The following CLEC4F variants were observed in gnomAD, a reference collection of about 807,000 sequenced individuals.
CLEC4F encodes C-type (calcium dependent, carbohydrate-recognition domain) lectin, superfamily member 13.
A neutral mutation model predicts 53.4 loss-of-function variants in CLEC4F; 45 were observed. The ratio of observed to expected loss-of-function variants is 0.84; its 90% CI spans 0.66 to 1.08. The LOEUF is 1.08. Among genes scored for constraint, CLEC4F ranks in the 50% least tolerant of loss-of-function variants. The pLI is 0.00. For synonymous variants in CLEC4F, 245 were observed against 257.5 expected, an observed-to-expected ratio of 0.95 and a Z score of 0.46; for missense variants, 753 against 698.2, an observed-to-expected ratio of 1.08 and a Z score of -0.88.
intron 5 of CLEC4F, among the ~76,000 whole-genome samples, chr2:70,810,225 C>A (rs1351031503): frequency 6.6e-6 from 1 of 150,714 alleles, no homozygotes; most frequent in Non-Finnish European, 1.5e-5. Context: ...ACTGTAAATT[C>A]TTTCATTAAC....
intron 4 of CLEC4F, among the ~76,000 whole-genome samples, chr2:70,814,966 G>GCT (rs1553395421): frequency 1.3e-5 from 2 of 152,242 alleles, no homozygotes; most frequent in African/African-American, 4.8e-5. Flanking sequence ...AGCAGTGAGA[G>GCT]CTGGGAGGAA....
At chr2:70,821,476 G>A (rs905906751), upstream of CLEC4F, among the ~76,000 whole-genome samples, 12 of 133,482 alleles carry the variant, frequency 9.0e-5, no homozygotes, top group African/African-American at 2.0e-4. Context: ...GGGCTATAAC[G>A]ACTCTTAAAA....
chr2:70,816,894 T>C lies in CLEC4F; in HGVS notation c.487A>G (p.Ser163Gly). Residue 163 changes from serine (S) to glycine (G), a missense_variant, in exon 4 of 7, where the codon AGT (serine) becomes GGT (glycine). Ser to Gly is a moderately conservative substitution (Grantham distance 56). Coordinates refer to ENST00000272367, the MANE Select transcript of CLEC4F (RefSeq NM_173535.3). ...KGVLKDATTL[S>G]LQTQMLRSSL... ...CTCCTTAACATCTGTGTCTGCAAAC[T>C]CAATGTAGTGGCATCCTTTAGAACT... 1.2e-6 allele frequency: 2 copies of C among 1,614,214 alleles called. No homozygotes were observed. Among genetic ancestry groups the C allele is most frequent in the Non-Finnish European group, 1.7e-6 (2 of 1,180,036 alleles).
At chr2:70,819,922 G>A (rs1558621377) in intron 1 of CLEC4F, 31 bp from the exon 2 acceptor site, 1 of 1,467,376 alleles carries the variant, frequency 6.8e-7, no homozygotes, top group Non-Finnish European at 9.3e-7. Flanking sequence ...TCCAAGGTGA[G>A]AGGGTGCTGT....
At position 70,809,082 on chromosome 2, in the gene CLEC4F, G is replaced by A. The variant is rs1261077039; in HGVS notation, c.*189C>T. On this transcript the variant is annotated 3_prime_UTR_variant, in exon 7 of 7. Transcript: ENST00000272367. ...CAGACTGATTCTTTTCCCAAAACCC[G>A]AAGACAACAGGGCTTTATACTGTTA... 3.7e-5 allele frequency: 57 copies of A among 1,546,932 alleles called. No homozygotes were observed. The highest frequency in any genetic ancestry group is 4.9e-5 in the Non-Finnish European group (56 of 1,146,920).
chr2:70,808,902 G>A lies in CLEC4F; in HGVS notation c.*369C>T, dbSNP rs1197313441. On this transcript the variant is annotated 3_prime_UTR_variant, in exon 7 of 7. Transcript: ENST00000272367. Reference sequence around the variant, plus strand: ...GAGGAGGGTCAGTATTGGCAAGCAGGAGCAGCCCCTCAGCTCTGGCCTGCC... The same window carrying A: ...GAGGAGGGTCAGTATTGGCAAGCAGAAGCAGCCCCTCAGCTCTGGCCTGCC... 9 of 624,180 alleles carry A rather than the reference G, an allele frequency of 1.4e-5. No individual in the cohort carries two copies. The highest frequency in any genetic ancestry group is 2.5e-5 in the Non-Finnish European group (9 of 356,592). 38.7% of individuals were successfully genotyped at this position (624,180 alleles called of 1,614,324 possible).
In CLEC4F at chr2:70,812,436, G is replaced by T. The variant is rs782601690; in HGVS notation, c.1539+11C>A. The T allele has an allele frequency of 3.7e-6, 6 of 1,612,130 alleles. No homozygotes were observed. Among genetic ancestry groups the T allele is most frequent in the South Asian group, 1.1e-5 (1 of 90,710 alleles). The stretch of plus-strand genomic sequence containing the variant: ...ATTCCACCAACAACACCCCATGCTC[G>T]CAGCTCTGACCTGCTCCTCCTTGGA... On this transcript the variant is annotated intron_variant, in intron 5 of 6. Transcript: ENST00000272367.
chr2:70,816,058 C>T lies in CLEC4F; in HGVS notation c.1323G>A (p.Glu441=). 1 of 1,614,212 alleles carries T rather than the reference C, an allele frequency of 6.2e-7. No homozygotes were observed. The highest frequency in any genetic ancestry group is 1.7e-5 in the Admixed American group (1 of 60,030). Residue 441 remains glutamate (E), a synonymous_variant, in exon 4 of 7, where the codon GAG becomes GAA. Transcript: ENST00000272367. ...CATGGAGGGTCTTCAGGCGACTCTGCTCCTGCTGGATTTCCATGGTTAGAG... is the reference window on the plus strand; with the variant it reads ...CATGGAGGGTCTTCAGGCGACTCTGTTCCTGCTGGATTTCCATGGTTAGAG... The part of the protein sequence containing the change: ...TKALTMEIQQ[E]QSRLKTLHVV...
Position 70,809,196 on chromosome 2 carries a change from A to G in CLEC4F, c.*75T>C. The G allele has an allele frequency of 6.4e-7, 1 of 1,574,498 alleles. No homozygotes were observed. Among genetic ancestry groups the G allele is most frequent in the Non-Finnish European group, 8.6e-7 (1 of 1,159,264 alleles). On this transcript the variant is annotated 3_prime_UTR_variant, in exon 7 of 7. Coordinates refer to ENST00000272367, the MANE Select transcript of CLEC4F (RefSeq NM_173535.3). ...GGAGCTGACTTGAGATGGGTCCTTC[A>G]TCCCCTAGTGGCCCTAGGATGAGGA... is the stretch of plus-strand genomic sequence containing the variant.
chr2:70,823,596 C>T (rs902521684), upstream of CLEC4F, among the ~76,000 whole-genome samples: 1 of 151,928 alleles, frequency 6.6e-6, no homozygotes, highest in Non-Finnish European at 1.5e-5. Flanking sequence ...TCCCTGGCCT[C>T]CCCACCCACC....
At chr2:70,809,649 A>G (rs1676436278) in intron 6 of CLEC4F, 90 bp downstream of exon 6, 26 of 1,011,716 alleles carry the variant, frequency 2.6e-5, no homozygotes, top group Non-Finnish European at 3.6e-5. Flanking sequence ...TACACACAAC[A>G]CTACCACTTA....
In CLEC4F at chr2:70,819,341, C is replaced by T. The variant is rs782257640; in HGVS notation, c.268+14G>A. 33 of 1,610,656 alleles carry T rather than the reference C, an allele frequency of 2.0e-5. No homozygotes were observed. Among genetic ancestry groups the T allele is most frequent in the Non-Finnish European group, 2.7e-5 (32 of 1,176,978 alleles). On this transcript the variant is annotated intron_variant, in intron 3 of 6. Coordinates refer to ENST00000272367, the MANE Select transcript of CLEC4F (RefSeq NM_173535.3). ...CAGTTCCCTCTGCACCCCACCCCCA[C>T]TGTGGCTACTCACTGTTGGGTTCAA...
chr2:70,808,977 G>T lies in CLEC4F; in HGVS notation c.*294C>A. On this transcript the variant is annotated 3_prime_UTR_variant, in exon 7 of 7. Transcript: ENST00000272367. ...GCTTCTTGCACACCCACTGATAGGG[G>T]GTGTCACAGGTCATGTCATTCCACT... 5.4e-6 allele frequency: 6 copies of T among 1,107,688 alleles called. No individual in the cohort carries two copies. The highest frequency in any genetic ancestry group is 7.8e-6 in the Non-Finnish European group (6 of 765,390). The allele number at this position is 1,107,688 out of a possible 1,614,324, so 68.6% of individuals were successfully genotyped here.
chr2:70,812,042 C>T (rs1676596590), intron 5 of CLEC4F, among the ~76,000 whole-genome samples: 1 of 152,108 alleles, frequency 6.6e-6, no homozygotes, highest in Admixed American at 6.5e-5. Context: ...TGCAGTCAGC[C>T]ATGATCAGGC....
At chr2:70,820,324 C>G (rs1677167721) in intron 1 of CLEC4F, 139 bp downstream of exon 1, 7 of 710,562 alleles carry the variant, frequency 9.9e-6, no homozygotes, top group Non-Finnish European at 1.6e-5. Context: ...CATCCCCTTT[C>G]TCTTGCCAGG....
At chr2:70,811,411 T>A in intron 5 of CLEC4F, 1 of 665,318 alleles carries the variant, frequency 1.5e-6, no homozygotes, top group Non-Finnish European at 2.8e-6. Context: ...CAATTATAGA[T>A]ATCCTGTGCC....
upstream of CLEC4F, among the ~76,000 whole-genome samples, chr2:70,822,476 A>T (rs940764679): frequency 1.4e-4 from 22 of 152,154 alleles, no homozygotes; most frequent in Admixed American, 2.6e-4. Flanking sequence ...TGGGCCTAGC[A>T]TTAGAAGAGA....
At chr2:70,812,743 T>C in intron 4 of CLEC4F, 145 bp from the exon 5 acceptor site, 1 of 821,588 alleles carries the variant, frequency 1.2e-6, no homozygotes, top group Non-Finnish European at 1.9e-6. Flanking sequence ...GAGAAAGGCC[T>C]GGGGGGCTGC....
chr2:70,819,362 T>C lies in CLEC4F; in HGVS notation c.261A>G (p.Glu87=). The change falls in exon 3 of 7, where the codon GAA becomes GAG. Residue 87 remains glutamate, a synonymous_variant. Coordinates refer to ENST00000272367, the MANE Select transcript of CLEC4F (RefSeq NM_173535.3). Reference sequence around the variant, plus strand: ...CCCACTGTGGCTACTCACTGTTGGGTTCAAAAGGTAAATGCCCAGTAATGT... The same window carrying C: ...CCCACTGTGGCTACTCACTGTTGGGCTCAAAAGGTAAATGCCCAGTAATGT... The part of the protein sequence containing the change: ...GDNITGHLPF[E]PNNHHHFGRE... 1 of 1,613,850 alleles carries C rather than the reference T, an allele frequency of 6.2e-7. No homozygotes were observed. The highest frequency in any genetic ancestry group is 1.7e-5 in the Admixed American group (1 of 59,990).
Sources: gnomAD v4.1 joint callset for allele counts (sites outside exome capture counted in the v4.1 genomes callset) on GRCh38, gnomAD v4.1.1 for gene constraint, MANE v1.5 for transcripts, NCBI Gene and HGNC (gene_info 2026-07-23, HGNC 2026-07-21) for gene names.